Variants in ZMIZ1 observed in about 807,000 individuals in gnomAD.
The protein encoded by ZMIZ1 is zinc finger MIZ domain-containing protein 1.
Under a neutral mutation model 113.9 loss-of-function variants are expected in ZMIZ1, and 17 were observed. The ratio of observed to expected loss-of-function variants is 0.15; its 90% CI spans 0.10 to 0.22. The LOEUF is 0.22. Among genes scored for constraint, ZMIZ1 ranks in the 10% least tolerant of loss-of-function variants. The pLI is 1.00. For missense variants in ZMIZ1, 1,059 were observed against 1,477.8 expected, an observed-to-expected ratio of 0.72 and a Z score of 4.65; for synonymous variants, 607 against 603.1, an observed-to-expected ratio of 1.01 and a Z score of -0.09.
At chr10:79,135,387 G>A (rs1286666309) in intron 2 of ZMIZ1, among the ~76,000 whole-genome samples, 2 of 152,176 alleles carry the variant, frequency 1.3e-5, no homozygotes, top group African/African-American at 4.8e-5. Context: ...CCACAAGAGA[G>A]CAGTCATTTG....
intron 4 of ZMIZ1, among the ~76,000 whole-genome samples, chr10:79,187,662 A>C (rs116462987): frequency 0.02 from 2,997 of 152,296 alleles, 90 homozygotes; most frequent in African/African-American, 0.068. Flanking sequence ...GAGGTGAGCC[A>C]TGTGTCCACA....
At chr10:79,231,773 C>A (rs931144692) in intron 7 of ZMIZ1, among the ~76,000 whole-genome samples, 1 of 151,692 alleles carries the variant, frequency 6.6e-6, no homozygotes, top group African/African-American at 2.4e-5. Flanking sequence ...AGATGGGGTT[C>A]CACAAAGTTG....
At chr10:79,077,185 G>A (rs1842501712) in intron 1 of ZMIZ1, among the ~76,000 whole-genome samples, 1 of 152,122 alleles carries the variant, frequency 6.6e-6, no homozygotes, top group Admixed American at 6.5e-5. Flanking sequence ...ACCTTGCCCT[G>A]TCCACAGGGG....
chr10:79,184,068 G>A (rs1000097784), intron 4 of ZMIZ1, among the ~76,000 whole-genome samples: 4 of 152,204 alleles, frequency 2.6e-5, no homozygotes, highest in African/African-American at 9.7e-5. Flanking sequence ...GTGCCTTGAG[G>A]TGGGATACTG....
At chr10:79,127,861 G>A (rs970677299) in intron 2 of ZMIZ1, among the ~76,000 whole-genome samples, 3 of 152,238 alleles carry the variant, frequency 2.0e-5, no homozygotes, top group Middle Eastern at 3.4e-3. Context: ...ACATTTACCT[G>A]GTGGGAAGGA....
At chr10:79,183,459 A>G (rs1425696308) in intron 4 of ZMIZ1, among the ~76,000 whole-genome samples, 1 of 152,100 alleles carries the variant, frequency 6.6e-6, no homozygotes, top group African/African-American at 2.4e-5. Context: ...GATGAGCTCT[A>G]TGAAGGGAAA....
intron 8 of ZMIZ1, among the ~76,000 whole-genome samples, chr10:79,288,773 T>C (rs1205372627): frequency 6.6e-6 from 1 of 152,156 alleles, no homozygotes; most frequent in Non-Finnish European, 1.5e-5. Flanking sequence ...CTCACTCTTG[T>C]GCACCCCAGC....
At chr10:79,210,552 A>T (rs779415177) in intron 6 of ZMIZ1, among the ~76,000 whole-genome samples, 1 of 152,160 alleles carries the variant, frequency 6.6e-6, no homozygotes, top group African/African-American at 2.4e-5. Context: ...CCTTGGGAGG[A>T]TGAGAGAGCA....
At chr10:79,113,218 GAGGTCCTTGGCATGGCTCAGTGGC>G (rs1267540858) in intron 1 of ZMIZ1, among the ~76,000 whole-genome samples, 2 of 152,220 alleles carry the variant, frequency 1.3e-5, no homozygotes, top group Middle Eastern at 3.2e-3. Flanking sequence ...CTCTGGTGCC[GAGGTCCTTGGCATGGCTCAGTGGC>G]AGGAGGGAGC....
At chr10:79,216,760 A>G (rs1395094546) in intron 7 of ZMIZ1, among the ~76,000 whole-genome samples, 5 of 152,210 alleles carry the variant, frequency 3.3e-5, no homozygotes, top group South Asian at 2.1e-4. Flanking sequence ...CACTACGTTC[A>G]TTCATTCCCC....
At chr10:79,169,254 C>T (rs1846505140) in intron 4 of ZMIZ1, among the ~76,000 whole-genome samples, 1 of 152,222 alleles carries the variant, frequency 6.6e-6, no homozygotes, top group South Asian at 2.1e-4. Flanking sequence ...CGTCACAACC[C>T]CTGACCCCTG....
intron 4 of ZMIZ1, among the ~76,000 whole-genome samples, chr10:79,199,163 G>A (rs1448786095): frequency 6.6e-6 from 1 of 152,060 alleles, no homozygotes; most frequent in East Asian, 1.9e-4. Context: ...ATGGGCAGAT[G>A]TTAGTTGGAT....
In ZMIZ1 at chr10:79,292,126, T is replaced by C. The variant is rs749125432; in HGVS notation, c.759-32T>C. ...CTCAGTTCCCCTCAGATGCAGGCAG[T>C]ACCTAACTCTTCCACCCTTCTCCCC... On this transcript the variant is annotated intron_variant, in intron 10 of 24. Coordinates refer to ENST00000334512, the MANE Select transcript of ZMIZ1 (RefSeq NM_020338.4). The C allele has an allele frequency of 1.3e-5, 20 of 1,580,498 alleles. 1 individual carries two copies. The South Asian group carries it at 1.9e-4, about 15-fold the overall frequency.
At chr10:79,270,541 TA>T (rs1851884535) in intron 7 of ZMIZ1, among the ~76,000 whole-genome samples, 1 of 152,220 alleles carries the variant, frequency 6.6e-6, no homozygotes, top group Non-Finnish European at 1.5e-5. Flanking sequence ...CCGCCGATCA[TA>T]CTATGGCACA....
intron 1 of ZMIZ1, among the ~76,000 whole-genome samples, chr10:79,074,691 G>T (rs1045903194): frequency 7.9e-5 from 12 of 152,218 alleles, no homozygotes; most frequent in African/African-American, 2.9e-4. Context: ...CACCCACTCC[G>T]TGTGAGACCT....
chr10:79,170,323 C>T (rs1846547272), intron 4 of ZMIZ1, among the ~76,000 whole-genome samples: 1 of 152,204 alleles, frequency 6.6e-6, no homozygotes, highest in Non-Finnish European at 1.5e-5. Flanking sequence ...CTTAAAACCT[C>T]ATGACAATCA....
intron 1 of ZMIZ1, among the ~76,000 whole-genome samples, chr10:79,081,896 G>T (rs1021113569): frequency 6.6e-6 from 1 of 152,242 alleles, no homozygotes; most frequent in Middle Eastern, 3.2e-3. Flanking sequence ...GATGGTAATG[G>T]CAGCACAGAA....
rs565824561 is a variant in ZMIZ1 at position 79,109,925 on chromosome 10, A to T, written c.-336-8990A>T. Reference sequence around the variant, plus strand: ...TCTCCCCATCTGTAAGATGGCAATAATGACCCTCACCAGTGGTCTCATGGA... The same window carrying T: ...TCTCCCCATCTGTAAGATGGCAATATTGACCCTCACCAGTGGTCTCATGGA... On this transcript the variant is annotated intron_variant, in intron 1 of 24. Transcript: ENST00000334512. 4.6e-5 allele frequency among the ~76,000 whole-genome samples: 7 copies of T among 152,256 alleles called. 1 individual carries two copies. The highest frequency in any genetic ancestry group is 1.7e-4 in the African/African-American group (7 of 41,472).
chr10:79,299,282 G>C (rs1686625922), intron 16 of ZMIZ1, 91 bp downstream of exon 16: 12 of 1,498,722 alleles, frequency 8.0e-6, no homozygotes, highest in Non-Finnish European at 8.0e-6. Flanking sequence ...CCTGGGCAGG[G>C]GGTAGCAGCA....
Sources: allele counts gnomAD v4.1 joint callset (sites outside exome capture counted in the v4.1 genomes callset), GRCh38; gene constraint gnomAD v4.1.1; transcripts MANE v1.5; gene names NCBI Gene and HGNC (gene_info 2026-07-23, HGNC 2026-07-21).